TDRD12: variants seen among roughly 807,000 people sequenced by gnomAD.
TDRD12 encodes the protein putative ATP-dependent RNA helicase TDRD12.
In TDRD12, 158 loss-of-function variants were observed where a neutral mutation model predicts 133.5. That is an observed-to-expected ratio of 1.18 (90% CI 1.04 to 1.35). TDRD12 has a LOEUF of 1.35. Ranked by LOEUF, TDRD12 falls within the 40% of genes most tolerant of loss-of-function variation. The pLI, the probability that TDRD12 is intolerant of heterozygous loss-of-function variation, is 0.00. For missense variants in TDRD12, 1,443 were observed against 1,321.3 expected (o/e 1.09, Z -1.43); for synonymous variants, 460 against 477.9 (o/e 0.96, Z 0.49).
downstream of TDRD12, chr19:32,826,018 A>C: frequency 1.9e-6 from 2 of 1,058,314 alleles, no homozygotes; most frequent in Middle Eastern, 2.1e-4. Context: ...TAAGGTACAA[A>C]AAAGTATATA....
At chr19:32,821,605 T>G (rs570779109), downstream of TDRD12, among the ~76,000 whole-genome samples, 10 of 152,338 alleles carry the variant, frequency 6.6e-5, no homozygotes, top group Admixed American at 5.2e-4. Context: ...TTTGAACTCC[T>G]GGCCTCAAGT....
rs139402556 is a variant in TDRD12, at chr19:32,776,993, A to G, written c.1041-156A>G. ...AGTGTCCAACTCTTGAGCTTAGGCG[A>G]TCCTCCCACCTTGGCCTCCCGAGTT... is the stretch of plus-strand genomic sequence containing the variant. On this transcript the variant is annotated intron_variant, in intron 10 of 27. Coordinates refer to ENST00000444215, the Ensembl canonical transcript of TDRD12. Among the ~76,000 whole-genome samples the G allele has an allele frequency of 4.4e-3, 669 of 152,190 alleles. 5 individuals carry two copies. The highest frequency in any genetic ancestry group is 0.015 in the African/African-American group (634 of 41,522).
intron 24 of TDRD12, among the ~76,000 whole-genome samples, chr19:32,811,794 A>G (rs1025664146): frequency 6.6e-6 from 1 of 152,202 alleles, no homozygotes; most frequent in African/African-American, 2.4e-5. Flanking sequence ...CCTTGAGCCC[A>G]GGAAGTTGAG....
intron 13 of TDRD12, among the ~76,000 whole-genome samples, chr19:32,791,269 A>C (rs1971063423): frequency 6.6e-6 from 1 of 152,172 alleles, no homozygotes; most frequent in Non-Finnish European, 1.5e-5. Flanking sequence ...GCTTCTTAGA[A>C]GTGAGTGAGT....
Position 32,807,649 on chromosome 19 carries a change from G to C in TDRD12, c.2652+1G>C, listed in dbSNP as rs1051689844. The stretch of plus-strand genomic sequence containing the variant: ...CCTACCTTCATTTGGATACATTAAA[G>C]TAGGTTTGGTTAAAGATGCTTGTGT... On this transcript the variant is annotated splice_donor_variant, in intron 22 of 27. Coordinates refer to ENST00000444215, the Ensembl canonical transcript of TDRD12. LOFTEE classifies it high-confidence loss of function. The C allele has an allele frequency of 1.8e-5, 27 of 1,521,730 alleles. No homozygotes were observed. The highest frequency in any genetic ancestry group is 2.4e-5 in the Non-Finnish European group (27 of 1,140,760). The allele number at this position is 1,521,730 out of a possible 1,614,324, so 94.3% of individuals were successfully genotyped here. A position where few individuals can be genotyped will look rare whatever the true frequency, so the allele number is the denominator to read the frequency against.
At chr19:32,735,803 C>T (rs1466593427) in intron 2 of TDRD12, among the ~76,000 whole-genome samples, 1 of 151,884 alleles carries the variant, frequency 6.6e-6, no homozygotes, top group African/African-American at 2.4e-5. Context: ...AACCCTGTCT[C>T]TACTAAAAAT....
chr19:32,826,366 A>G lies in TDRD12; in HGVS notation c.895+9A>G. On this transcript the variant is annotated intron_variant, in intron 8 of 9. Coordinates refer to the TDRD12 transcript ENST00000637289. ...GATAGAGTCGTTTTCAGGTAGGTTT[A>G]TGTATAGTCATATAAAGTAAAATAG... 1.1e-6 allele frequency: 1 copy of G among 881,176 alleles called. No individual in the cohort carries two copies. Among genetic ancestry groups the G allele is most frequent in the Non-Finnish European group, 1.5e-6 (1 of 675,750 alleles). 54.6% of individuals were successfully genotyped at this position (881,176 alleles called of 1,614,324 possible).
At chr19:32,774,201 T>C (rs1188212170) in intron 10 of TDRD12, among the ~76,000 whole-genome samples, 1 of 152,268 alleles carries the variant, frequency 6.6e-6, no homozygotes, top group Admixed American at 6.5e-5. Context: ...TCGTGGACTT[T>C]ATGCTGTGGT....
intron 10 of TDRD12, among the ~76,000 whole-genome samples, chr19:32,774,286 T>G (rs1162959093): frequency 6.6e-6 from 1 of 152,234 alleles, no homozygotes; most frequent in Non-Finnish European, 1.5e-5. Context: ...GTCAATTATA[T>G]TCTAGAGAGA....
chr19:32,737,189 T>C (rs1200165953), intron 2 of TDRD12, among the ~76,000 whole-genome samples: 2 of 152,228 alleles, frequency 1.3e-5, no homozygotes, highest in Non-Finnish European at 2.9e-5. Context: ...GTGCACTTAT[T>C]CAGCCATCAA....
At chr19:32,720,229 C>A in intron 1 of TDRD12, 133 bp downstream of exon 1, 1 of 918,674 alleles carries the variant, frequency 1.1e-6, no homozygotes. Context: ...CACAGCCTCC[C>A]ACCCCCGACC....
rs1382109180 is a variant in TDRD12, at chr19:32,813,679, T to C, written c.3049-5T>C. The C allele has an allele frequency of 8.0e-6, 12 of 1,507,454 alleles. No individual in the cohort carries two copies. Among genetic ancestry groups the C allele is most frequent in the Non-Finnish European group, 1.1e-5 (12 of 1,124,250 alleles). The allele number at this position is 1,507,454 out of a possible 1,614,324, so 93.4% of individuals were successfully genotyped here. Reference sequence around the variant, plus strand: ...ACCTAAAATAATGTTAAGTGCTTTTTTCAGGTTACTAGGTACATTCATCAT... The same window carrying C: ...ACCTAAAATAATGTTAAGTGCTTTTCTCAGGTTACTAGGTACATTCATCAT... On this transcript the variant is annotated splice_polypyrimidine_tract_variant and splice_region_variant and intron_variant, in intron 24 of 27. Coordinates refer to ENST00000444215, the Ensembl canonical transcript of TDRD12.
chr19:32,775,029 A>G (rs1381950414), intron 10 of TDRD12, among the ~76,000 whole-genome samples: 1 of 151,546 alleles, frequency 6.6e-6, no homozygotes, highest in Non-Finnish European at 1.5e-5. Context: ...TTGCTACCAT[A>G]TTTCTTATGC....
In TDRD12 at chr19:32,772,869, T is replaced by C; in HGVS notation, c.963+19T>C. ...AAATAAGGTTGTATTTTAAAAATGT[T>C]CTTTAAATACAAAGTTCATATAGTG... On this transcript the variant is annotated intron_variant, in intron 9 of 27. Coordinates refer to ENST00000444215, the Ensembl canonical transcript of TDRD12. 1 of 1,352,802 alleles carries C rather than the reference T, an allele frequency of 7.4e-7. No individual in the cohort carries two copies. Among genetic ancestry groups the C allele is most frequent in the South Asian group, 1.6e-5 (1 of 61,818 alleles). 83.8% of individuals were successfully genotyped at this position (1,352,802 alleles called of 1,614,324 possible).
At chr19:32,821,075 G>C in exon 28 of TDRD12, 1 of 1,535,970 alleles carries the variant, frequency 6.5e-7, no homozygotes, top group Non-Finnish European at 8.7e-7. Flanking sequence ...AGAGCCCCCA[G>C]CCTGAGGACA....
intron 11 of TDRD12, among the ~76,000 whole-genome samples, chr19:32,780,033 A>G (rs1045135124): frequency 1.3e-5 from 2 of 150,262 alleles, no homozygotes; most frequent in Non-Finnish European, 3.0e-5. Context: ...TGTACTGCCC[A>G]CTGATTGAAG....
chr19:32,805,387 A>C (rs1474170262), intron 21 of TDRD12, among the ~76,000 whole-genome samples: 1 of 151,262 alleles, frequency 6.6e-6, no homozygotes, highest in Non-Finnish European at 1.5e-5. Flanking sequence ...TATGTCCAAA[A>C]AAAAGAAAAA....
chr19:32,749,905 C>T (rs772314444), intron 6 of TDRD12, 36 bp downstream of exon 6: 128 of 1,396,976 alleles, frequency 9.2e-5, no homozygotes, highest in Non-Finnish European at 1.1e-5. Context: ...AATATTTCAT[C>T]ATTTTAAATT....
chr19:32,796,585 C>CA (rs753485762), intron 14 of TDRD12, among the ~76,000 whole-genome samples: 16,571 of 131,518 alleles, frequency 0.13, 1,082 homozygotes, highest in Middle Eastern at 0.2. Context: ...AACTCCATCT[C>CA]AAAAAAAAAA....
Sources: gnomAD v4.1 joint callset for allele counts (sites outside exome capture counted in the v4.1 genomes callset) on GRCh38, gnomAD v4.1.1 for gene constraint, MANE v1.5 for transcripts, NCBI Gene and HGNC (gene_info 2026-07-23, HGNC 2026-07-21) for gene names.